Variants in CFAP61 observed in about 807,000 individuals in gnomAD.
CFAP61 encodes cilia- and flagella-associated protein 61.
A neutral mutation model predicts 135.6 loss-of-function variants in CFAP61; 107 were observed. The observed-to-expected ratio is 0.79, with a 90% CI of 0.67 to 0.93. The LOEUF is 0.93. Ranked by LOEUF, CFAP61 falls within the 40% of genes least tolerant of loss-of-function variation. The probability of loss-of-function intolerance (pLI) is 0.00; values close to 1 mark genes in which losing one functional copy is unlikely to be tolerated. For synonymous variants in CFAP61, 575 were observed against 578.5 expected (o/e 0.99, Z 0.09); for missense variants, 1,507 against 1,556.2 (o/e 0.97, Z 0.53).
intron 2 of CFAP61, among the ~76,000 whole-genome samples, chr20:20,057,044 A>G (rs3828006): frequency 0.63 from 94,401 of 150,782 alleles, 29,928 homozygotes; most frequent in East Asian, 0.94. Context: ...CTTGAACACA[A>G]GAGGCAGAGG....
chr20:20,329,186 C>T (rs1321930479), intron 25 of CFAP61, among the ~76,000 whole-genome samples: 2 of 152,096 alleles, frequency 1.3e-5, no homozygotes, highest in Non-Finnish European at 2.9e-5. Flanking sequence ...GGATTGCCAT[C>T]AACCGTCTTG....
chr20:20,131,137 C>A (rs2050494382), intron 8 of CFAP61, among the ~76,000 whole-genome samples: 1 of 151,754 alleles, frequency 6.6e-6, no homozygotes, highest in South Asian at 2.1e-4. Flanking sequence ...TTTTACACTT[C>A]TCTGTGGCTC....
intron 20 of CFAP61, among the ~76,000 whole-genome samples, chr20:20,252,729 C>T (rs1390521122): frequency 6.6e-6 from 1 of 152,214 alleles, no homozygotes; most frequent in East Asian, 1.9e-4. Context: ...TGACAGTTTT[C>T]CTTCACGTCG....
intron 2 of CFAP61, among the ~76,000 whole-genome samples, chr20:20,069,405 G>A (rs916338411): frequency 6.6e-6 from 1 of 151,930 alleles, no homozygotes; most frequent in African/African-American, 2.4e-5. Context: ...TCAGCCTCCC[G>A]AGTAGCTGGG....
chr20:20,152,613 T>TA (rs1217485160), intron 9 of CFAP61, among the ~76,000 whole-genome samples: 2 of 152,022 alleles, frequency 1.3e-5, no homozygotes, highest in South Asian at 4.1e-4. Context: ...CAACAACAGT[T>TA]AAAAAAAGTG....
chr20:20,187,806 T>TTA, intron 13 of CFAP61, 124 bp from the exon 14 acceptor site: 1 of 716,940 alleles, frequency 1.4e-6, no homozygotes, highest in South Asian at 2.1e-5. Context: ...AACCCCAGTG[T>TTA]TATATAAACA....
chr20:20,235,373 A>G (rs1180542974), intron 18 of CFAP61, among the ~76,000 whole-genome samples: 1 of 152,114 alleles, frequency 6.6e-6, no homozygotes, highest in Non-Finnish European at 1.5e-5. Context: ...GGGAACTGTT[A>G]GAAATGCAGA....
intron 14 of CFAP61, 21 bp downstream of exon 14, chr20:20,188,077 G>A (rs1475828924): frequency 3.7e-6 from 6 of 1,613,458 alleles, no homozygotes; most frequent in Admixed American, 1.7e-5. Flanking sequence ...GTTGTGACCA[G>A]ACCTCAGGAT....
chr20:20,062,347 T>C (rs2044870183), intron 2 of CFAP61, among the ~76,000 whole-genome samples: 1 of 152,212 alleles, frequency 6.6e-6, no homozygotes, highest in African/African-American at 2.4e-5. Flanking sequence ...TTTGGGATAA[T>C]CTGTTATGCA....
chr20:20,149,909 G>A (rs1039387948), intron 9 of CFAP61, among the ~76,000 whole-genome samples: 5 of 152,206 alleles, frequency 3.3e-5, no homozygotes, highest in Admixed American at 2.6e-4. Context: ...ACAGCCAGCA[G>A]TGTGGGGAGA....
intron 8 of CFAP61, among the ~76,000 whole-genome samples, chr20:20,142,023 A>C (rs1023084725): frequency 6.6e-6 from 1 of 152,212 alleles, no homozygotes; most frequent in Non-Finnish European, 1.5e-5. Context: ...AACTCCCAGC[A>C]GAGCGGACAC....
At chr20:20,143,953 A>G (rs1410169128) in intron 9 of CFAP61, among the ~76,000 whole-genome samples, 1 of 152,238 alleles carries the variant, frequency 6.6e-6, no homozygotes, top group African/African-American at 2.4e-5. Context: ...AGTTAGGAAT[A>G]GTGCCTGTTC....
At chr20:20,173,436 C>T (rs1462490815) in intron 13 of CFAP61, among the ~76,000 whole-genome samples, 1 of 152,216 alleles carries the variant, frequency 6.6e-6, no homozygotes, top group Non-Finnish European at 1.5e-5. Context: ...CCCTTGCCAG[C>T]ATTTGGTGTC....
rs566742358 is a variant in CFAP61, at chr20:20,128,706, G to A, written c.860-14151G>A. The stretch of plus-strand genomic sequence containing the variant: ...AAGCTGCAATCTAGTCCTGCCTCCC[G>A]TCCGCCATGATGATCCAAACTATTG... On this transcript the variant is annotated intron_variant, in intron 8 of 26. Coordinates refer to ENST00000245957, the MANE Select transcript of CFAP61 (RefSeq NM_015585.4). 1.6e-4 allele frequency among the ~76,000 whole-genome samples: 24 copies of A among 151,710 alleles called. 1 individual carries two copies. Among genetic ancestry groups the A allele is most frequent in the African/African-American group, 5.4e-4 (22 of 41,062 alleles).
At chr20:20,232,097 C>T (rs2049182630) in intron 18 of CFAP61, among the ~76,000 whole-genome samples, 1 of 152,200 alleles carries the variant, frequency 6.6e-6, no homozygotes, top group African/African-American at 2.4e-5. Flanking sequence ...CCCACCTCTG[C>T]TGCCAAGCAG....
chr20:20,122,758 A>G lies in CFAP61; in HGVS notation c.860-20099A>G, dbSNP rs1054432392. 8.1e-5 allele frequency among the ~76,000 whole-genome samples: 12 copies of G among 148,738 alleles called. 1 individual carries two copies. Among genetic ancestry groups the G allele is most frequent in the African/African-American group, 2.6e-4 (10 of 38,272 alleles). On this transcript the variant is annotated intron_variant, in intron 8 of 26. Coordinates refer to ENST00000245957, the MANE Select transcript of CFAP61 (RefSeq NM_015585.4). ...CAAGTGTCTTTTTTGTATAATGACTATTTTCCTCTGGGTAGATCCCCAGTA... is the reference window on the plus strand; with the variant it reads ...CAAGTGTCTTTTTTGTATAATGACTGTTTTCCTCTGGGTAGATCCCCAGTA...
chr20:20,351,197 A>T (rs2058820841), intron 26 of CFAP61, among the ~76,000 whole-genome samples: 1 of 152,206 alleles, frequency 6.6e-6, no homozygotes, highest in African/African-American at 2.4e-5. Context: ...GATCTTATAC[A>T]CATAAAATCC....
intron 20 of CFAP61, among the ~76,000 whole-genome samples, chr20:20,259,528 C>T (rs2147004032): frequency 6.6e-6 from 1 of 151,914 alleles, no homozygotes; most frequent in African/African-American, 2.4e-5. Context: ...CTGCCTCAGC[C>T]TCCCAAAGTG....
At chr20:20,076,776 C>T (rs1600473397) in intron 6 of CFAP61, among the ~76,000 whole-genome samples, 1 of 152,126 alleles carries the variant, frequency 6.6e-6, no homozygotes, top group Non-Finnish European at 1.5e-5. Context: ...GGTATGGCAT[C>T]GTTGTTAAGA....
Sources: allele counts gnomAD v4.1 joint callset (sites outside exome capture counted in the v4.1 genomes callset), GRCh38; gene constraint gnomAD v4.1.1; transcripts MANE v1.5; gene names NCBI Gene and HGNC (gene_info 2026-07-23, HGNC 2026-07-21).